Variants in MGRN1 observed in about 807,000 individuals in gnomAD.
MGRN1 encodes the protein mahogunin ring finger 1.
A neutral mutation model predicts 69.2 loss-of-function variants in MGRN1; 29 were observed. The ratio of observed to expected loss-of-function variants is 0.42; its 90% CI spans 0.31 to 0.57. The LOEUF (loss-of-function observed/expected upper bound fraction) is 0.57. Among genes scored for constraint, MGRN1 ranks in the 20% least tolerant of loss-of-function variants. The pLI is 0.15. For missense variants in MGRN1, 998 were observed against 796.2 expected (o/e 1.25, Z -3.05); for synonymous variants, 470 against 344.2 (o/e 1.37, Z -4.04).
chr16:4,664,720 C>G lies in MGRN1; in HGVS notation c.573C>G (p.Asp191Glu), dbSNP rs2078759918. The G allele has an allele frequency of 6.2e-7, 1 of 1,614,080 alleles. No individual in the cohort carries two copies. The highest frequency in any genetic ancestry group is 1.3e-5 in the African/African-American group (1 of 74,930). Residue 191 changes from aspartate (D) to glutamate (E), a missense_variant, in exon 6 of 17, where the codon GAC becomes GAG. Asp to Glu is a conservative substitution (Grantham distance 45). Transcript: ENST00000262370. The stretch of plus-strand genomic sequence containing the variant: ...AACTCTCTCCTCAGCTGAACTTTGA[C>G]CTGGACCGGGGCGTGTTTCCAGTAG... ...SEWKDDELNFDLDRGVFPVVI... is the reference protein window; with the variant it reads ...SEWKDDELNFELDRGVFPVVI...
rs1348110685 is a variant in MGRN1, at chr16:4,661,789, G to C, written c.562-2920G>C. On this transcript the variant is annotated intron_variant, in intron 5 of 16. Transcript: ENST00000262370. ...AACCCCTGACCCTTCCTCGTGAGATGCGGGGCCTAGGTCCGTGTGGACTTG... is the reference window on the plus strand; with the variant it reads ...AACCCCTGACCCTTCCTCGTGAGATCCGGGGCCTAGGTCCGTGTGGACTTG... Among the ~76,000 whole-genome samples, 4 of 152,380 alleles carry C rather than the reference G, an allele frequency of 2.6e-5. No homozygotes were observed. In the East Asian group the frequency reaches 7.7e-4, roughly 29 times the overall value.
At chr16:4,664,371 T>G (rs1349733428) in intron 5 of MGRN1, 51 of 314,316 alleles carry the variant, frequency 1.6e-4, no homozygotes, top group Middle Eastern at 1.0e-3. Context: ...GGATGGGGAG[T>G]GTGTGGGTGC....
intron 13 of MGRN1, 149 bp downstream of exon 13, chr16:4,681,925 T>C (rs2079191028): frequency 2.4e-6 from 2 of 822,418 alleles, no homozygotes; most frequent in East Asian, 2.8e-5. Context: ...GTTAGACTCA[T>C]GGGTAAAGTT....
Position 4,689,058 on chromosome 16 carries a change from C to A in MGRN1, c.*150C>A. 9.5e-7 allele frequency: 1 copy of A among 1,054,580 alleles called. No homozygotes were observed. The highest frequency in any genetic ancestry group is 1.3e-6 in the Non-Finnish European group (1 of 758,158). The allele number at this position is 1,054,580 out of a possible 1,614,324, so 65.3% of individuals were successfully genotyped here. On this transcript the variant is annotated 3_prime_UTR_variant, in exon 17 of 17. Transcript: ENST00000262370. ...GCCGTGGTGACTCTTGATCAAAGAG[C>A]ACAGTGAACTGTCCCTTCTGAGTCT...
intron 1 of MGRN1, among the ~76,000 whole-genome samples, chr16:4,642,332 C>T (rs2078177638): frequency 6.6e-6 from 1 of 151,846 alleles, no homozygotes; most frequent in Non-Finnish European, 1.5e-5. Flanking sequence ...GAGTCGTCTT[C>T]TGTCACCCAG....
intron 1 of MGRN1, among the ~76,000 whole-genome samples, chr16:4,646,508 G>A (rs367752625): frequency 2.4e-4 from 37 of 152,120 alleles, no homozygotes; most frequent in Non-Finnish European, 4.3e-4. Flanking sequence ...TCACAGGCCC[G>A]GCATGCCGGT....
At chr16:4,687,747 G>C (rs2079364884) in intron 16 of MGRN1, 1 of 985,502 alleles carries the variant, frequency 1.0e-6, no homozygotes. Context: ...AGCCTGCTGG[G>C]AGGTGCCTGG....
rs116153580 is a variant in MGRN1, at chr16:4,652,066, C to T, written c.296+15C>T. 1.4e-5 allele frequency: 22 copies of T among 1,611,760 alleles called. No homozygotes were observed. Among genetic ancestry groups the T allele is most frequent in the Non-Finnish European group, 1.7e-5 (20 of 1,178,180 alleles). On this transcript the variant is annotated intron_variant, in intron 3 of 16. Coordinates refer to ENST00000262370, the MANE Select transcript of MGRN1 (RefSeq NM_015246.4). The stretch of plus-strand genomic sequence containing the variant: ...CGGCTGGTGAGGTAACTTCACCCTG[C>T]CCCTGGGGACCCTGTGGCTCTGTGG...
At chr16:4,637,927 G>A (rs2078067797) in intron 1 of MGRN1, among the ~76,000 whole-genome samples, 1 of 152,228 alleles carries the variant, frequency 6.6e-6, no homozygotes, top group African/African-American at 2.4e-5. Flanking sequence ...AACAAAAAAG[G>A]TGACTACAGC....
rs573242927 is a variant in MGRN1, at chr16:4,681,772, G to T, written c.1354G>T (p.Asp452Tyr). The T allele has an allele frequency of 1.9e-6, 3 of 1,610,280 alleles. No homozygotes were observed. Among genetic ancestry groups the T allele is most frequent in the South Asian group, 1.1e-5 (1 of 90,894 alleles). Residue 452 changes from aspartate (D) to tyrosine (Y), a missense_variant, in exon 13 of 17, where the codon GAC becomes TAC. Transcript: ENST00000262370. ...GGGCAGGCCGCAGAGCAAGGCCCCC[G>T]ACAGGTGAGCAGCAGCCAGGCCAGG... Reference protein sequence around the residue: ...QKGRPQSKAPDSTLRSPSSPI... With the variant: ...QKGRPQSKAPYSTLRSPSSPI...
rs770415518 is a variant in MGRN1, at chr16:4,677,494, G to T, written c.987G>T (p.Val329=). Residue 329 remains valine, a synonymous_variant, in exon 11 of 17, where the codon GTG becomes GTT. Coordinates refer to ENST00000262370, the MANE Select transcript of MGRN1 (RefSeq NM_015246.4). Reference sequence around the variant, plus strand: ...GGGCCCTCCTGCAGATCCGGGCGGTGCGGAAGAAGCCAGGAGCCCTGTCCC... The same window carrying T: ...GGGCCCTCCTGCAGATCCGGGCGGTTCGGAAGAAGCCAGGAGCCCTGTCCC... ...PFRALLQIRA[V]RKKPGALSPV... 3 of 1,590,772 alleles carry T rather than the reference G, an allele frequency of 1.9e-6. No individual in the cohort carries two copies. The highest frequency in any genetic ancestry group is 2.6e-6 in the Non-Finnish European group (3 of 1,174,360).
rs1169916180 is a variant in MGRN1 at position 4,671,597 on chromosome 16, A to C, written c.795+138A>C. The C allele has an allele frequency of 2.6e-5, 19 of 731,200 alleles. No homozygotes were observed. The East Asian group carries it at 4.8e-4, about 18-fold the overall frequency. 45.3% of individuals were successfully genotyped at this position (731,200 alleles called of 1,614,324 possible). A position where few individuals can be genotyped will look rare whatever the true frequency, so the allele number is the denominator to read the frequency against. ...CCGCTAGACAACATCATTTTTCCTT[A>C]ATTTTTTTTAAAGCTAACAGTTTAG... is the stretch of plus-strand genomic sequence containing the variant. On this transcript the variant is annotated intron_variant, in intron 9 of 16. Coordinates refer to ENST00000262370, the MANE Select transcript of MGRN1 (RefSeq NM_015246.4).
At chr16:4,653,970 T>C (rs1316710797) in intron 4 of MGRN1, among the ~76,000 whole-genome samples, 1 of 152,218 alleles carries the variant, frequency 6.6e-6, no homozygotes, top group African/African-American at 2.4e-5. Flanking sequence ...CAGGCTGGTC[T>C]CAATCGCTCG....
At position 4,680,429 on chromosome 16, in the gene MGRN1, A is replaced by T. The variant is rs936893411; in HGVS notation, c.1131+332A>T. On this transcript the variant is annotated intron_variant, in intron 12 of 16. Coordinates refer to ENST00000262370, the MANE Select transcript of MGRN1 (RefSeq NM_015246.4). ...ACTAACGTCGCTGCTGCGTTTTGCA[A>T]TCGCGCCCCGCGCATGCTTCTTGGC... 9 of 295,258 alleles carry T rather than the reference A, an allele frequency of 3.0e-5. No homozygotes were observed. In the East Asian group the frequency reaches 3.6e-4, roughly 12 times the overall value. 18.3% of individuals were successfully genotyped at this position (295,258 alleles called of 1,614,324 possible). A position where few individuals can be genotyped will look rare whatever the true frequency, so the allele number is the denominator to read the frequency against.
chr16:4,635,441 A>T (rs925464261), intron 1 of MGRN1, among the ~76,000 whole-genome samples: 48 of 152,072 alleles, frequency 3.2e-4, no homozygotes, highest in African/African-American at 1.1e-3. Context: ...AGTCAAATAA[A>T]AAATAATAAA....
At position 4,625,040 on chromosome 16, in the gene MGRN1, C is replaced by G. The variant is rs753068958; in HGVS notation, c.80C>G (p.Pro27Arg). The change falls in exon 1 of 17, where the codon CCG (proline) becomes CGG (arginine). Residue 27 changes from proline to arginine, a missense_variant. Pro to Arg is a moderately radical substitution (Grantham distance 103, BLOSUM62 -2). Coordinates refer to ENST00000262370, the MANE Select transcript of MGRN1 (RefSeq NM_015246.4). ...GCGAACTCGGCCTATCGCTACCCTC[C>G]GAAGTCCGGTGAGCGCCCGGCCCCA... is the stretch of plus-strand genomic sequence containing the variant. Reference protein sequence around the residue: ...IQANSAYRYPPKSGNYFASHF... With the variant: ...IQANSAYRYPRKSGNYFASHF... 1 of 1,548,332 alleles carries G rather than the reference C, an allele frequency of 6.5e-7. No individual in the cohort carries two copies. The highest frequency in any genetic ancestry group is 8.7e-7 in the Non-Finnish European group (1 of 1,150,354).
chr16:4,636,498 C>G (rs889663042), intron 1 of MGRN1, among the ~76,000 whole-genome samples: 3 of 151,970 alleles, frequency 2.0e-5, no homozygotes, highest in Non-Finnish European at 2.9e-5. Context: ...TGCCCTTGAG[C>G]CTGATCTCTT....
rs1596325612 is a variant in MGRN1 at position 4,689,291 on chromosome 16, T to C, written c.*383T>C. The C allele has an allele frequency of 5.3e-6, 1 of 189,384 alleles. No individual in the cohort carries two copies. The highest frequency in any genetic ancestry group is 1.1e-5 in the Non-Finnish European group (1 of 92,830). 11.7% of individuals were successfully genotyped at this position (189,384 alleles called of 1,614,324 possible). On this transcript the variant is annotated 3_prime_UTR_variant, in exon 17 of 17. Transcript: ENST00000262370. ...ACTCAGGAGGCCTGCAGAAGAGAAC[T>C]GATTGGTGGTCGAAGCACCATCTTC...
At position 4,671,530 on chromosome 16, in the gene MGRN1, G is replaced by T. The variant is rs937196030; in HGVS notation, c.795+71G>T. ...ACCAGGAGCAGCCGCGGACAGCAAT[G>T]CTTGCCGGTTCCCTTCCATGCCTTC... On this transcript the variant is annotated intron_variant, in intron 9 of 16. Coordinates refer to ENST00000262370, the MANE Select transcript of MGRN1 (RefSeq NM_015246.4). 5.6e-6 allele frequency: 8 copies of T among 1,437,102 alleles called. No homozygotes were observed. In the Admixed American group the frequency reaches 1.3e-4, roughly 24 times the overall value. 89.0% of individuals were successfully genotyped at this position (1,437,102 alleles called of 1,614,324 possible).
Sources: gnomAD v4.1 joint callset for allele counts (sites outside exome capture counted in the v4.1 genomes callset) on GRCh38, gnomAD v4.1.1 for gene constraint, MANE v1.5 for transcripts, NCBI Gene and HGNC (gene_info 2026-07-23, HGNC 2026-07-21) for gene names.